Variants in DRG1 observed in about 807,000 individuals in gnomAD.
The protein encoded by DRG1 is developmentally regulated GTP binding protein 1, also known as developmentally-regulated GTP-binding protein 1.
In DRG1, 19 loss-of-function variants were observed where a neutral mutation model predicts 38.8. The observed-to-expected ratio is 0.49, with a 90% CI of 0.34 to 0.72. DRG1 has a LOEUF of 0.72. Among genes scored for constraint, DRG1 ranks in the 30% least tolerant of loss-of-function variants. The pLI is 0.01. For missense variants in DRG1, 299 were observed against 444.8 expected (o/e 0.67, Z 2.95); for synonymous variants, 167 against 157.5 (o/e 1.06, Z -0.45).
At chr22:31,405,527 T>C (rs1356497669) in intron 3 of DRG1, among the ~76,000 whole-genome samples, 2 of 152,038 alleles carry the variant, frequency 1.3e-5, no homozygotes, top group African/African-American at 2.4e-5. Context: ...TTGCCCTTTT[T>C]CCCTCAGTTT....
chr22:31,410,226 GC>G (rs2050010891), intron 3 of DRG1, among the ~76,000 whole-genome samples: 1 of 152,112 alleles, frequency 6.6e-6, no homozygotes, highest in African/African-American at 2.4e-5. Context: ...GGAGGTCGAG[GC>G]GGGCAGATCT....
intron 8 of DRG1, among the ~76,000 whole-genome samples, chr22:31,428,226 T>C (rs1475573240): frequency 6.6e-6 from 1 of 152,020 alleles, no homozygotes. Flanking sequence ...TCTTTTTTTT[T>C]TTTGAGACGG....
At chr22:31,433,108 C>G (rs2050150170) in intron 8 of DRG1, among the ~76,000 whole-genome samples, 1 of 151,994 alleles carries the variant, frequency 6.6e-6, no homozygotes, top group Non-Finnish European at 1.5e-5. Context: ...GAAGATTTTC[C>G]TGGCATGGCT....
At chr22:31,418,069 G>C (rs1323151865) in intron 4 of DRG1, among the ~76,000 whole-genome samples, 1 of 151,916 alleles carries the variant, frequency 6.6e-6, no homozygotes, top group African/African-American at 2.4e-5. Flanking sequence ...GGCCGAGGTG[G>C]GCAGATCATG....
At chr22:31,406,006 C>CTTTTTTTTTTTTTT (rs993821605) in intron 3 of DRG1, among the ~76,000 whole-genome samples, 1 of 129,416 alleles carries the variant, frequency 7.7e-6, no homozygotes, top group Non-Finnish European at 1.7e-5. Flanking sequence ...TTTCTTTTTT[C>CTTTTTTTTTTTTTT]TTTTTTTTTT....
chr22:31,402,959 A>G, intron 2 of DRG1, 70 bp from the exon 3 acceptor site: 3 of 1,501,514 alleles, frequency 2.0e-6, no homozygotes, highest in South Asian at 2.7e-5. Flanking sequence ...TAAAAATGTG[A>G]AAGAAGTTAT....
chr22:31,408,332 C>G (rs1221030753), intron 3 of DRG1, among the ~76,000 whole-genome samples: 3 of 147,356 alleles, frequency 2.0e-5, no homozygotes, highest in African/African-American at 7.5e-5. Context: ...TTAGTAGAGA[C>G]AGGGTTTCAC....
At chr22:31,412,347 T>C (rs2050022526) in intron 4 of DRG1, among the ~76,000 whole-genome samples, 1 of 148,562 alleles carries the variant, frequency 6.7e-6, no homozygotes. Flanking sequence ...TTATTTTCTT[T>C]CTTTCTTTTT....
At chr22:31,400,954 A>AG (rs1173106089) in intron 2 of DRG1, among the ~76,000 whole-genome samples, 20 of 151,692 alleles carry the variant, frequency 1.3e-4, no homozygotes, top group Non-Finnish European at 2.5e-4. Context: ...AAAAAAAAAA[A>AG]AAAGTTTTTT....
Position 31,410,934 on chromosome 22 carries a change from AAATT to A in DRG1, c.343-73_343-70del, listed in dbSNP as rs2050014886. 8.2e-6 allele frequency: 12 copies of A among 1,461,808 alleles called. No individual in the cohort carries two copies. The Middle Eastern group carries it at 8.7e-4, about 106-fold the overall frequency. The allele number at this position is 1,461,808 out of a possible 1,614,324, so 90.6% of individuals were successfully genotyped here. ...GATAAATTATAGGTACTTGAGAAAT[AAATT>A]AATTCTGTTTGATATTTTCAAATTT... On this transcript the variant is annotated intron_variant, in intron 3 of 8. Transcript: ENST00000331457.
At chr22:31,413,955 G>A (rs1463798807) in intron 4 of DRG1, among the ~76,000 whole-genome samples, 2 of 152,096 alleles carry the variant, frequency 1.3e-5, no homozygotes, top group Admixed American at 6.6e-5. Flanking sequence ...TGACTTCCCT[G>A]TTGTCAAACC....
chr22:31,425,147 C>A (rs1173108835), intron 6 of DRG1, among the ~76,000 whole-genome samples: 2 of 151,902 alleles, frequency 1.3e-5, no homozygotes, highest in Admixed American at 1.3e-4. Flanking sequence ...TTTCTGACAT[C>A]CTTCCTTGCT....
At position 31,399,668 on chromosome 22, in the gene DRG1, C is replaced by G; in HGVS notation, c.-16C>G. 6.2e-7 allele frequency: 1 copy of G among 1,614,032 alleles called. No homozygotes were observed. The highest frequency in any genetic ancestry group is 1.7e-5 in the Admixed American group (1 of 60,010). ...GTGAAGGGAGACAGTGTGGAGGCCA[C>G]AGGGTACTCGCCACGATGAGCAGCA... On this transcript the variant is annotated 5_prime_UTR_variant, in exon 1 of 9. Coordinates refer to ENST00000331457, the MANE Select transcript of DRG1 (RefSeq NM_004147.4).
chr22:31,402,691 G>A (rs2049969882), intron 2 of DRG1, among the ~76,000 whole-genome samples: 1 of 151,890 alleles, frequency 6.6e-6, no homozygotes, highest in Non-Finnish European at 1.5e-5. Flanking sequence ...TGTATTTTTT[G>A]TAGAGACAGG....
At chr22:31,412,956 C>T (rs1374162342) in intron 4 of DRG1, among the ~76,000 whole-genome samples, 2 of 151,794 alleles carry the variant, frequency 1.3e-5, no homozygotes, top group Admixed American at 6.6e-5. Context: ...GTGTGGTAGA[C>T]TCTTTCAGCA....
In DRG1 at chr22:31,427,156, C is replaced by CA; in HGVS notation, c.983dup (p.Asn328LysfsTer7). On this transcript the variant is annotated frameshift_variant, in exon 8 of 9. Transcript: ENST00000331457. LOFTEE classifies it high-confidence loss of function. The stretch of plus-strand genomic sequence containing the variant: ...TGGAGGATTTCTGCATGAAGATTCA[C>CA]AAAAATCTTATCAAAGAATTTAAAT... 6.2e-7 allele frequency: 1 copy of CA among 1,614,078 alleles called. No individual in the cohort carries two copies. Among genetic ancestry groups the CA allele is most frequent in the Non-Finnish European group, 8.5e-7 (1 of 1,179,986 alleles).
chr22:31,420,212 G>T (rs758030539), intron 4 of DRG1, 44 bp from the exon 5 acceptor site: 29 of 1,598,124 alleles, frequency 1.8e-5, no homozygotes, highest in Non-Finnish European at 2.5e-5. Flanking sequence ...GTTAGTTAAG[G>T]CTTTATTGAA....
chr22:31,411,107 T>G, intron 4 of DRG1, 26 bp downstream of exon 4: 1 of 1,611,030 alleles, frequency 6.2e-7, no homozygotes, highest in South Asian at 1.1e-5. Context: ...GCCACCATCC[T>G]GGGATATCAT....
intron 5 of DRG1, 112 bp downstream of exon 5, chr22:31,420,537 T>C (rs1295285779): frequency 1.6e-6 from 2 of 1,282,538 alleles, no homozygotes; most frequent in Non-Finnish European, 2.1e-6. Context: ...CCTGCACTAA[T>C]TGAGATAACA....
Sources: allele counts gnomAD v4.1 joint callset (sites outside exome capture counted in the v4.1 genomes callset), GRCh38; gene constraint gnomAD v4.1.1; transcripts MANE v1.5; gene names NCBI Gene and HGNC (gene_info 2026-07-23, HGNC 2026-07-21).